The following VIT variants were observed in gnomAD, a reference collection of about 807,000 sequenced individuals.
VIT encodes the protein vitrin.
VIT carries 99 observed loss-of-function variants against 78.0 expected under a neutral mutation model. That is an observed-to-expected ratio of 1.27 (90% confidence interval 1.08 to 1.50). The LOEUF is 1.50. Among genes scored for constraint, VIT ranks in the 40% most tolerant of loss-of-function variants. VIT has a pLI of 0.00. For missense variants in VIT, 1,126 were observed against 875.3 expected (o/e 1.29, Z -3.61); for synonymous variants, 374 against 334.3 (o/e 1.12, Z -1.29).
Position 36,729,478 on chromosome 2 carries a change from A to G in VIT, c.105A>G (p.Lys35=). ...HSNKETAKKI[K]RPKFTVPQIN... is the part of the protein sequence containing the mutation. ...ACAAAGAAACGGCAAAGAAGATTAA[A>G]AGGCCCAAGTTCAGTAAGTAAAATC... Residue 35 remains lysine (K), a synonymous_variant, in exon 3 of 16, where the codon AAA becomes AAG. Coordinates refer to ENST00000379242, the MANE Select transcript of VIT (RefSeq NM_053276.4). 1 of 1,609,442 alleles carries G rather than the reference A, an allele frequency of 6.2e-7. No individual in the cohort carries two copies. Among genetic ancestry groups the G allele is most frequent in the Non-Finnish European group, 8.5e-7 (1 of 1,177,988 alleles).
In VIT at chr2:36,801,508, C is replaced by T. The variant is rs116856052; in HGVS notation, c.1162+104C>T. 4.7e-4 allele frequency: 512 copies of T among 1,082,778 alleles called. 2 individuals are homozygous for T. Among genetic ancestry groups the T allele is most frequent in the Middle Eastern group, 3.4e-3 (17 of 4,930 alleles). 67.1% of individuals were successfully genotyped at this position (1,082,778 alleles called of 1,614,324 possible). Reference sequence around the variant, plus strand: ...ATAAAAGGAAAAAATAATAATAATCCGTCAAGAAATAACTTCTGGTCGGGC... The same window carrying T: ...ATAAAAGGAAAAAATAATAATAATCTGTCAAGAAATAACTTCTGGTCGGGC... On this transcript the variant is annotated intron_variant, in intron 13 of 15. Coordinates refer to ENST00000379242, the MANE Select transcript of VIT (RefSeq NM_053276.4).
At chr2:36,771,671 G>C (rs984977375) in intron 7 of VIT, among the ~76,000 whole-genome samples, 21 of 152,116 alleles carry the variant, frequency 1.4e-4, no homozygotes, top group African/African-American at 4.8e-4. Flanking sequence ...TGAGAGTGTG[G>C]AGAAATGACC....
At chr2:36,701,754 G>A (rs904055646) in intron 1 of VIT, among the ~76,000 whole-genome samples, 1 of 152,124 alleles carries the variant, frequency 6.6e-6, no homozygotes, top group Non-Finnish European at 1.5e-5. Context: ...AACATGCTTT[G>A]GACATAAAGG....
Position 36,752,255 on chromosome 2 carries a change from G to C in VIT, c.276-2666G>C, listed in dbSNP as rs559383531. ...ATGGCCAAGTGCAGGGGAGAGGAGA[G>C]ATTTCCCTGAGAAGGTGCAATGAAA... On this transcript the variant is annotated intron_variant, in intron 4 of 15. Transcript: ENST00000379242. Among the ~76,000 whole-genome samples, 7 of 152,270 alleles carry C rather than the reference G, an allele frequency of 4.6e-5. No individual in the cohort carries two copies. The South Asian group carries it at 1.5e-3, about 32-fold the overall frequency.
intron 1 of VIT, among the ~76,000 whole-genome samples, chr2:36,704,881 C>T (rs887709935): frequency 6.6e-6 from 1 of 152,072 alleles, no homozygotes; most frequent in Non-Finnish European, 1.5e-5. Context: ...AAAGTTTTGC[C>T]GGACCTGAGA....
intron 9 of VIT, 58 bp downstream of exon 9, chr2:36,775,125 G>C: frequency 3.1e-6 from 5 of 1,596,786 alleles, no homozygotes; most frequent in Non-Finnish European, 4.3e-6. Flanking sequence ...GTGGCACTTT[G>C]CAAACATGAG....
intron 4 of VIT, among the ~76,000 whole-genome samples, chr2:36,753,427 G>A (rs1558540715): frequency 6.6e-6 from 1 of 152,182 alleles, no homozygotes; most frequent in Non-Finnish European, 1.5e-5. Flanking sequence ...ACCTTCTCAT[G>A]TGGAAACATA....
At chr2:36,771,523 C>A (rs1669756344) in intron 7 of VIT, among the ~76,000 whole-genome samples, 1 of 135,474 alleles carries the variant, frequency 7.4e-6, no homozygotes, top group African/African-American at 2.9e-5. Flanking sequence ...GAGACTTCAT[C>A]TCAAAAAAAA....
At chr2:36,793,976 G>C (rs1365505772) in intron 12 of VIT, among the ~76,000 whole-genome samples, 3 of 152,168 alleles carry the variant, frequency 2.0e-5, no homozygotes, top group African/African-American at 7.2e-5. Context: ...TCAAGGAGAG[G>C]AATGGTAACC....
chr2:36,705,686 GAGA>G, intron 1 of VIT, among the ~76,000 whole-genome samples: 1 of 152,298 alleles, frequency 6.6e-6, no homozygotes, highest in East Asian at 1.9e-4. Context: ...GGTGATCCTG[GAGA>G]AGGGGATACA....
chr2:36,795,893 G>C lies in VIT; in HGVS notation c.1059-5408G>C, dbSNP rs143075529. Among the ~76,000 whole-genome samples, 1,003 of 152,278 alleles carry C rather than the reference G, an allele frequency of 6.6e-3. 5 individuals carry two copies. Among genetic ancestry groups the C allele is most frequent in the Non-Finnish European group, 0.011 (730 of 68,022 alleles). On this transcript the variant is annotated intron_variant, in intron 12 of 15. Transcript: ENST00000379242. ...GGGTTGTGGCTTGCAGAGAAAACAA[G>C]TGTGTTCAATTAGCTTTGTTCAGAC...
intron 2 of VIT, among the ~76,000 whole-genome samples, chr2:36,721,070 G>A (rs572199946): frequency 5.1e-4 from 77 of 151,614 alleles, no homozygotes; most frequent in African/African-American, 1.8e-3. Flanking sequence ...GTGATCTAAT[G>A]TACAGCACAG....
At chr2:36,768,672 G>T (rs1669580902) in intron 7 of VIT, among the ~76,000 whole-genome samples, 1 of 152,118 alleles carries the variant, frequency 6.6e-6, no homozygotes, top group South Asian at 2.1e-4. Flanking sequence ...CCAGCAGCCT[G>T]GCTCTCCTCT....
chr2:36,698,899 A>G (rs1007506352), intron 1 of VIT, among the ~76,000 whole-genome samples: 1 of 152,036 alleles, frequency 6.6e-6, no homozygotes, highest in Admixed American at 6.6e-5. Flanking sequence ...AGCTGAGATC[A>G]CGCCACTACA....
At chr2:36,704,074 C>T (rs981060467) in intron 1 of VIT, among the ~76,000 whole-genome samples, 3 of 151,916 alleles carry the variant, frequency 2.0e-5, no homozygotes, top group Admixed American at 6.6e-5. Flanking sequence ...TACAGGTGCA[C>T]GCCACCATGC....
intron 13 of VIT, among the ~76,000 whole-genome samples, chr2:36,801,843 G>T (rs867779144): frequency 6.6e-6 from 1 of 152,012 alleles, no homozygotes; most frequent in South Asian, 2.1e-4. Context: ...AGTTATCATG[G>T]CTTCAGAGGG....
intron 1 of VIT, among the ~76,000 whole-genome samples, chr2:36,702,095 A>G (rs1012672773): frequency 2.6e-5 from 4 of 152,306 alleles, no homozygotes; most frequent in Admixed American, 2.6e-4. Flanking sequence ...GATTTAGTGA[A>G]TGTTAAACAG....
At chr2:36,782,909 G>C (rs1474240743) in intron 10 of VIT, among the ~76,000 whole-genome samples, 1 of 152,084 alleles carries the variant, frequency 6.6e-6, no homozygotes, top group Non-Finnish European at 1.5e-5. Flanking sequence ...ACTCATCTTC[G>C]TTCATTGTGT....
At chr2:36,776,645 A>G (rs1670064021) in intron 9 of VIT, among the ~76,000 whole-genome samples, 1 of 152,078 alleles carries the variant, frequency 6.6e-6, no homozygotes, top group African/African-American at 2.4e-5. Flanking sequence ...TATTAAAAAT[A>G]CAACAATGAG....
Sources: allele counts gnomAD v4.1 joint callset (sites outside exome capture counted in the v4.1 genomes callset), GRCh38; gene constraint gnomAD v4.1.1; transcripts MANE v1.5; gene names NCBI Gene and HGNC (gene_info 2026-07-23, HGNC 2026-07-21).